BMP5: variants seen among roughly 807,000 people sequenced by gnomAD.
The protein encoded by BMP5 is bone morphogenetic protein 5.
BMP5 carries 23 observed loss-of-function variants against 46.6 expected under a neutral mutation model. The ratio of observed to expected loss-of-function variants is 0.49; its 90% CI spans 0.35 to 0.70. The LOEUF is 0.70. Ranked by LOEUF, BMP5 falls within the 30% of genes least tolerant of loss-of-function variation. The pLI is 0.00. For missense variants in BMP5, 545 were observed against 565.6 expected, an observed-to-expected ratio of 0.96 and a Z score of 0.37; for synonymous variants, 204 against 191.9, an observed-to-expected ratio of 1.06 and a Z score of -0.52.
At chr6:55,786,148 T>A (rs1229733177) in intron 3 of BMP5, among the ~76,000 whole-genome samples, 1 of 151,708 alleles carries the variant, frequency 6.6e-6, no homozygotes, top group East Asian at 1.9e-4. Context: ...TTATACCATA[T>A]CTTAAGTTGG....
At chr6:55,845,550 T>G (rs1351467353) in intron 1 of BMP5, among the ~76,000 whole-genome samples, 1 of 152,030 alleles carries the variant, frequency 6.6e-6, no homozygotes, top group East Asian at 1.9e-4. Flanking sequence ...ACCATGCAGA[T>G]CTCTGGGTGA....
intron 3 of BMP5, among the ~76,000 whole-genome samples, chr6:55,791,877 A>T (rs1226272945): frequency 6.6e-6 from 1 of 152,076 alleles, no homozygotes. Flanking sequence ...CACTAATTTC[A>T]TTTTTCTTGT....
intron 3 of BMP5, 134 bp downstream of exon 3, chr6:55,794,145 T>G (rs1562041042): frequency 1.2e-6 from 1 of 868,808 alleles, no homozygotes; most frequent in African/African-American, 1.7e-5. Flanking sequence ...AATATAGTTT[T>G]GCACTACCCT....
chr6:55,774,576 T>TA (rs1264449229), intron 3 of BMP5, among the ~76,000 whole-genome samples: 5 of 151,936 alleles, frequency 3.3e-5, no homozygotes, highest in East Asian at 1.9e-4. Flanking sequence ...AATAACAATT[T>TA]AAAAAAATAT....
At chr6:55,789,358 A>T (rs935965541) in intron 3 of BMP5, among the ~76,000 whole-genome samples, 1 of 151,964 alleles carries the variant, frequency 6.6e-6, no homozygotes, top group Non-Finnish European at 1.5e-5. Context: ...TATTCTATAA[A>T]CCCAAGTTTG....
rs1350050293 is a variant in BMP5, at chr6:55,874,924, A to G, written c.-59T>C. ...CCTTCTTGTCCTCTTAAAAAAAAAAAAAACCTAAGGTTCTAGGAGGTACAG... is the reference window on the plus strand; with the variant it reads ...CCTTCTTGTCCTCTTAAAAAAAAAAGAAACCTAAGGTTCTAGGAGGTACAG... On this transcript the variant is annotated 5_prime_UTR_variant, in exon 1 of 7. Coordinates refer to ENST00000370830, the MANE Select transcript of BMP5 (RefSeq NM_021073.4). 7 of 1,578,482 alleles carry G rather than the reference A, an allele frequency of 4.4e-6. No homozygotes were observed. The highest frequency in any genetic ancestry group is 6.0e-6 in the Non-Finnish European group (7 of 1,168,828).
chr6:55,855,765 C>T (rs1045585497), intron 1 of BMP5, among the ~76,000 whole-genome samples: 1 of 152,086 alleles, frequency 6.6e-6, no homozygotes, highest in Non-Finnish European at 1.5e-5. Context: ...TCTTTGGCTG[C>T]TACTTTTCTG....
At chr6:55,820,352 T>G (rs1447539143) in intron 1 of BMP5, among the ~76,000 whole-genome samples, 1 of 152,154 alleles carries the variant, frequency 6.6e-6, no homozygotes, top group Non-Finnish European at 1.5e-5. Flanking sequence ...CAAGAAAGAT[T>G]GTTTCTAAAA....
Position 55,843,180 on chromosome 6 carries a change from C to A in BMP5, c.491-23333G>T, listed in dbSNP as rs1339610147. ...ATTACACCATGCAAAACACGTTTTT[C>A]TCTGATATCATAAGTTAGGATATAT... On this transcript the variant is annotated intron_variant, in intron 1 of 6. Coordinates refer to ENST00000370830, the MANE Select transcript of BMP5 (RefSeq NM_021073.4). Among the ~76,000 whole-genome samples the A allele has an allele frequency of 2.0e-5, 3 of 151,934 alleles. No individual in the cohort carries two copies. In the East Asian group the frequency reaches 5.8e-4, roughly 29 times the overall value.
At chr6:55,850,354 G>GTAGATAGATAGA (rs57677270) in intron 1 of BMP5, among the ~76,000 whole-genome samples, 90 of 83,222 alleles carry the variant, frequency 1.1e-3, no homozygotes, top group East Asian at 1.4e-3. Context: ...AGGTAAGTAG[G>GTAGATAGATAGA]TAGATAGATA....
chr6:55,834,884 C>G lies in BMP5; in HGVS notation c.491-15037G>C, dbSNP rs183395873. On this transcript the variant is annotated intron_variant, in intron 1 of 6. Transcript: ENST00000370830. ...CCACCTGAGGTCAGAAGTTCGAGAC[C>G]AGCCTGGCTAACATGGCGAATCCAT... Among the ~76,000 whole-genome samples the G allele has an allele frequency of 3.9e-5, 6 of 152,140 alleles. No homozygotes were observed. The East Asian group carries it at 9.7e-4, about 25-fold the overall frequency.
At chr6:55,807,851 G>A (rs931046528) in intron 2 of BMP5, among the ~76,000 whole-genome samples, 4 of 152,154 alleles carry the variant, frequency 2.6e-5, no homozygotes, top group African/African-American at 9.7e-5. Flanking sequence ...TTGAATAGAG[G>A]TGTTTATAGT....
chr6:55,828,904 A>G (rs1294265458), intron 1 of BMP5, among the ~76,000 whole-genome samples: 1 of 151,796 alleles, frequency 6.6e-6, no homozygotes, highest in Admixed American at 6.6e-5. Flanking sequence ...TTTGTGGTTC[A>G]ATCTGTCATT....
intron 3 of BMP5, among the ~76,000 whole-genome samples, chr6:55,786,842 T>C (rs1251748860): frequency 6.6e-6 from 1 of 151,600 alleles, no homozygotes; most frequent in Non-Finnish European, 1.5e-5. Context: ...GTCATCACCA[T>C]AAATTCAGCA....
At chr6:55,873,278 T>A (rs544126103) in intron 1 of BMP5, among the ~76,000 whole-genome samples, 1 of 152,084 alleles carries the variant, frequency 6.6e-6, no homozygotes, top group East Asian at 1.9e-4. Context: ...AACATGTTAA[T>A]TTTAAGTCAA....
intron 1 of BMP5, among the ~76,000 whole-genome samples, chr6:55,862,605 G>T (rs974992570): frequency 4.6e-5 from 7 of 152,156 alleles, no homozygotes; most frequent in Non-Finnish European, 1.0e-4. Flanking sequence ...TTGAAAAATT[G>T]AATGCTCTTG....
intron 3 of BMP5, among the ~76,000 whole-genome samples, chr6:55,777,023 T>C (rs1484647905): frequency 6.6e-6 from 1 of 151,940 alleles, no homozygotes; most frequent in African/African-American, 2.4e-5. Context: ...AAAATAACTT[T>C]TAATATTATT....
chr6:55,831,769 G>A (rs1264717721), intron 1 of BMP5, among the ~76,000 whole-genome samples: 1 of 152,118 alleles, frequency 6.6e-6, no homozygotes, highest in African/African-American at 2.4e-5. Context: ...AAAATTTCAA[G>A]ACTAAAAACC....
intron 1 of BMP5, among the ~76,000 whole-genome samples, chr6:55,826,146 A>T (rs1439394102): frequency 1.3e-5 from 2 of 151,832 alleles, no homozygotes; most frequent in African/African-American, 2.4e-5. Flanking sequence ...ATGAATGGAT[A>T]ACCATTCCAG....
Sources: gnomAD v4.1 joint callset for allele counts (sites outside exome capture counted in the v4.1 genomes callset) on GRCh38, gnomAD v4.1.1 for gene constraint, MANE v1.5 for transcripts, NCBI Gene and HGNC (gene_info 2026-07-23, HGNC 2026-07-21) for gene names.